Variants in ACSL6 observed in about 807,000 individuals in gnomAD.
ACSL6 encodes acyl-CoA synthetase long chain family member 6, also known as long-chain-fatty-acid--CoA ligase 6.
ACSL6 carries 47 observed loss-of-function variants against 98.2 expected under a neutral mutation model. The observed-to-expected ratio is 0.48, with a 90% confidence interval of 0.38 to 0.61. ACSL6 has a LOEUF of 0.61. Among genes scored for constraint, ACSL6 ranks in the 20% least tolerant of loss-of-function variants. The pLI, the probability that ACSL6 is intolerant of heterozygous loss-of-function variation, is 0.00. For synonymous variants in ACSL6, 362 were observed against 336.9 expected (o/e 1.07, Z -0.82); for missense variants, 761 against 913.4 (o/e 0.83, Z 2.15).
intron 20 of ACSL6, among the ~76,000 whole-genome samples, chr5:131,955,411 A>G (rs1318874314): frequency 6.6e-6 from 1 of 152,196 alleles, no homozygotes; most frequent in Non-Finnish European, 1.5e-5. Flanking sequence ...CTTTTTTCCT[A>G]ATTTGTTGTT....
At chr5:131,993,897 G>A (rs1221303442) in intron 2 of ACSL6, 134 bp downstream of exon 2, 1 of 883,580 alleles carries the variant, frequency 1.1e-6, no homozygotes, top group Non-Finnish European at 1.7e-6. Flanking sequence ...GCAGAGCTAA[G>A]TGGCTGACTG....
intron 1 of ACSL6, among the ~76,000 whole-genome samples, chr5:132,001,231 G>T (rs1433330962): frequency 6.6e-6 from 1 of 152,334 alleles, no homozygotes; most frequent in Non-Finnish European, 1.5e-5. Flanking sequence ...GCATAGAGCT[G>T]AGGGAGTAGT....
intron 1 of ACSL6, among the ~76,000 whole-genome samples, chr5:132,006,114 C>G (rs777357081): frequency 2.0e-5 from 3 of 152,180 alleles, no homozygotes; most frequent in African/African-American, 7.2e-5. Flanking sequence ...CTCCCCCAGA[C>G]GCCCCTACTA....
In ACSL6 at chr5:131,985,413, T is replaced by A. The variant is rs764163183; in HGVS notation, c.910A>T (p.Thr304Ser). The A allele has an allele frequency of 6.2e-7, 1 of 1,614,056 alleles. No individual in the cohort carries two copies. Among genetic ancestry groups the A allele is most frequent in the South Asian group, 1.1e-5 (1 of 91,082 alleles). ...DLSIVCFTSG[T>S]TGNPKGAMLT... ...TCTGCGTGCCTCTGCTTACCTGTCG[T>A]GCCGCTTGTGAAACACACAATGGAG... Residue 304 changes from threonine to serine, a missense_variant, in exon 9 of 21, where the codon ACG becomes TCG. Thr to Ser is a moderately conservative substitution (Grantham distance 58, BLOSUM62 1). Transcript: ENST00000651883.
chr5:131,994,802 A>G (rs1050545916), intron 1 of ACSL6: 2 of 170,480 alleles, frequency 1.2e-5, no homozygotes, highest in Admixed American at 5.4e-5. Flanking sequence ...ACCGCAGATC[A>G]GCCCTGACAG....
intron 1 of ACSL6, among the ~76,000 whole-genome samples, chr5:132,007,524 T>C (rs1755481086): frequency 1.3e-5 from 2 of 152,250 alleles, no homozygotes; most frequent in Admixed American, 6.5e-5. Flanking sequence ...TCTGAGAATG[T>C]GGCCTGACTC....
In ACSL6 at chr5:132,011,642, GCGC is replaced by G. The variant is rs531367619; in HGVS notation, c.-92_-90del. On this transcript the variant is annotated 5_prime_UTR_variant, in exon 1 of 21. Transcript: ENST00000651883. This position sits in a 1 kb window ranked among gnomAD's most constrained non-coding sequence, Gnocchi z 5.4. ...CAGCCCAGCAGCCCCAGCAGTAGCC[GCGC>G]CGCCGCCGCCGCTGCCGGGTATTTT... 52 of 1,261,156 alleles carry G rather than the reference GCGC, an allele frequency of 4.1e-5. No homozygotes were observed. Among genetic ancestry groups the G allele is most frequent in the South Asian group, 1.1e-4 (3 of 27,450 alleles). The allele number at this position is 1,261,156 out of a possible 1,614,324, so 78.1% of individuals were successfully genotyped here. A position where few individuals can be genotyped will look rare whatever the true frequency, so the allele number is the denominator to read the frequency against.
intron 1 of ACSL6, among the ~76,000 whole-genome samples, chr5:132,006,041 G>A (rs541983877): frequency 1.3e-5 from 2 of 152,304 alleles, no homozygotes; most frequent in African/African-American, 4.8e-5. Flanking sequence ...TAAATTCCCA[G>A]GAGACAGTGA....
upstream of ACSL6, chr5:132,011,691 C>T (rs1755745941): frequency 6.3e-6 from 8 of 1,269,572 alleles, no homozygotes; most frequent in Non-Finnish European, 8.0e-6. The surrounding 1 kb of genome is among the most constrained non-coding windows in gnomAD (Gnocchi z 5.4). Context: ...CCTCCGGCCC[C>T]GCAGCTCCCG....
intron 20 of ACSL6, among the ~76,000 whole-genome samples, chr5:131,957,939 A>G (rs1014609836): frequency 3.3e-5 from 5 of 152,168 alleles, no homozygotes; most frequent in African/African-American, 1.2e-4. Context: ...AATAAAACTA[A>G]AGGCCTCTGA....
In ACSL6 at chr5:132,011,586, G is replaced by A. The variant is rs1278424225; in HGVS notation, c.-33C>T. The A allele has an allele frequency of 2.7e-6, 4 of 1,494,322 alleles. No homozygotes were observed. Among genetic ancestry groups the A allele is most frequent in the Non-Finnish European group, 3.6e-6 (4 of 1,123,458 alleles). 92.6% of individuals were successfully genotyped at this position (1,494,322 alleles called of 1,614,324 possible). On this transcript the variant is annotated 5_prime_UTR_variant, in exon 1 of 21. Transcript: ENST00000651883. This position sits in a 1 kb window ranked among gnomAD's most constrained non-coding sequence, Gnocchi z 5.4. ...AGCGGGGCCCGGCCCGGCCCGGCCC[G>A]GCCTCCCCGACCCGCAGCCCCGCAG...
chr5:131,957,345 CATTGT>C (rs764856831), intron 20 of ACSL6, among the ~76,000 whole-genome samples: 22 of 152,208 alleles, frequency 1.4e-4, no homozygotes, highest in Non-Finnish European at 2.4e-4. Flanking sequence ...TCAAAGTTCA[CATTGT>C]ATTGCCTATG....
chr5:131,975,836 CTG>C, intron 10 of ACSL6: 1 of 985,488 alleles, frequency 1.0e-6, no homozygotes, highest in South Asian at 4.7e-5. Context: ...CTTCACTCTC[CTG>C]TGCTGGCTTT....
intron 16 of ACSL6, among the ~76,000 whole-genome samples, chr5:131,966,780 T>G (rs1753037756): frequency 6.6e-6 from 1 of 152,212 alleles, no homozygotes; most frequent in Admixed American, 6.5e-5. Context: ...TCATCTCTTC[T>G]CCCTCAGGAG....
intron 4 of ACSL6, among the ~76,000 whole-genome samples, chr5:131,989,813 C>T (rs1754409721): frequency 6.6e-6 from 1 of 152,152 alleles, no homozygotes; most frequent in South Asian, 2.1e-4. Flanking sequence ...AGGCTGGTCT[C>T]AAACTCCTGT....
At position 131,968,015 on chromosome 5, in the gene ACSL6, C is replaced by T. The variant is rs553082958; in HGVS notation, c.1521G>A (p.Ala507=). ...PGDWTSGHVG[A]PLPCNHIKLV... is the part of the protein sequence containing the mutation. The stretch of plus-strand genomic sequence containing the variant: ...GCTTGATATGATTGCAGGGAAGTGG[C>T]GCCCCTACGTGCCCTGGAACACCGG... Residue 507 remains alanine, a synonymous_variant, in exon 16 of 21, where the codon GCG becomes GCA. Transcript: ENST00000651883. 12 of 1,613,716 alleles carry T rather than the reference C, an allele frequency of 7.4e-6. No homozygotes were observed. Among genetic ancestry groups the T allele is most frequent in the Admixed American group, 3.3e-5 (2 of 59,986 alleles).
intron 9 of ACSL6, among the ~76,000 whole-genome samples, chr5:131,978,424 A>G (rs77790772): frequency 0.014 from 2,174 of 152,282 alleles, 42 homozygotes; most frequent in African/African-American, 0.046. Context: ...CTCCTACCCC[A>G]CTTCAAACCT....
chr5:131,975,716 G>T lies in ACSL6; in HGVS notation c.991-746C>A, dbSNP rs1274273790. ...CAGATGGGACTGACCCTAGGGACAG[G>T]GGCTACTCCAGCCAGGGGAGCCCTG... On this transcript the variant is annotated intron_variant, in intron 10 of 20. Coordinates refer to ENST00000651883, the MANE Select transcript of ACSL6 (RefSeq NM_001009185.3). 11 of 985,294 alleles carry T rather than the reference G, an allele frequency of 1.1e-5. No individual in the cohort carries two copies. The African/African-American group carries it at 1.6e-4, about 14-fold the overall frequency. 61.0% of individuals were successfully genotyped at this position (985,294 alleles called of 1,614,324 possible).
At chr5:131,969,064 C>T (rs1180626083) in intron 15 of ACSL6, among the ~76,000 whole-genome samples, 1 of 152,134 alleles carries the variant, frequency 6.6e-6, no homozygotes, top group African/African-American at 2.4e-5. Context: ...AATCCATGGG[C>T]TGCCTACTAC....
Sources: gnomAD v4.1 joint callset for allele counts (sites outside exome capture counted in the v4.1 genomes callset) on GRCh38, gnomAD v4.1.1 for gene constraint, Gnocchi (gnomAD v3.1) non-coding constraint, MANE v1.5 for transcripts, NCBI Gene and HGNC (gene_info 2026-07-23, HGNC 2026-07-21) for gene names.